Variants in TENM2 observed in about 807,000 individuals in gnomAD.
The protein encoded by TENM2 is teneurin-2.
TENM2 carries 52 observed loss-of-function variants against 245.2 expected under a neutral mutation model. The observed-to-expected ratio is 0.21, with a 90% CI of 0.17 to 0.27. The LOEUF (loss-of-function observed/expected upper bound fraction) is 0.27, where lower values mean the gene tolerates loss of function less well. Among genes scored for constraint, TENM2 ranks in the 10% least tolerant of loss-of-function variants. TENM2 has a pLI of 1.00. For missense variants in TENM2, 3,046 were observed against 3,666.8 expected (o/e 0.83, Z 4.37); for synonymous variants, 1,363 against 1,438.9 (o/e 0.95, Z 1.19).
At chr5:167,356,216 A>AAAAG (rs1759319197) in intron 1 of TENM2, among the ~76,000 whole-genome samples, 2 of 134,324 alleles carry the variant, frequency 1.5e-5, no homozygotes, top group African/African-American at 6.4e-5. Flanking sequence ...AAAAAAAAAA[A>AAAAG]AAAAATTAAA....
chr5:167,471,168 G>A (rs1767003451), intron 2 of TENM2, among the ~76,000 whole-genome samples: 1 of 152,152 alleles, frequency 6.6e-6, no homozygotes, highest in South Asian at 2.1e-4. Context: ...GCTACTTTAT[G>A]ACATGCCCTT....
chr5:168,211,986 A>G (rs1762832855), intron 20 of TENM2, among the ~76,000 whole-genome samples: 1 of 152,206 alleles, frequency 6.6e-6, no homozygotes, highest in Admixed American at 6.5e-5. Context: ...CGGGAGATTC[A>G]AGTGCAAGAT....
At position 167,848,926 on chromosome 5, in the gene TENM2, T is replaced by G. The variant is rs770465637; in HGVS notation, c.503-27060T>G. Among the ~76,000 whole-genome samples, 28 of 152,074 alleles carry G rather than the reference T, an allele frequency of 1.8e-4. No individual in the cohort carries two copies. In the South Asian group the frequency reaches 2.5e-3, roughly 14 times the overall value. On this transcript the variant is annotated intron_variant, in intron 2 of 28. Transcript: ENST00000518659. ...TTTTGTTTGCTTTTTGTTTTTTGGG[T>G]TTTTTTGGCCACATTGTATATTGTG...
At chr5:167,777,389 TTTAA>T (rs1582984310) in intron 2 of TENM2, among the ~76,000 whole-genome samples, 1 of 152,256 alleles carries the variant, frequency 6.6e-6, no homozygotes, top group Non-Finnish European at 1.5e-5. Context: ...AAATTATTCA[TTTAA>T]TTAATTTATT....
chr5:167,257,194 A>G, the TENM2 span, among the ~76,000 whole-genome samples: 1 of 152,150 alleles, frequency 6.6e-6, no homozygotes, highest in African/African-American at 2.4e-5. Flanking sequence ...TATGTAAAAA[A>G]GAGAATACAA....
chr5:168,036,691 ATATATATATG>A (rs1270574360), intron 5 of TENM2, among the ~76,000 whole-genome samples: 1 of 116,336 alleles, frequency 8.6e-6, no homozygotes, highest in African/African-American at 4.4e-5. Context: ...ATATATATAT[ATATATATATG>A]TATGTGTATA....
intron 2 of TENM2, among the ~76,000 whole-genome samples, chr5:167,455,622 A>G (rs960031985): frequency 1.3e-5 from 2 of 152,168 alleles, no homozygotes; most frequent in Non-Finnish European, 2.9e-5. Context: ...TTGATAAATA[A>G]GTTAACTGAA....
At chr5:167,137,855 C>CA in the TENM2 span, among the ~76,000 whole-genome samples, 1 of 152,166 alleles carries the variant, frequency 6.6e-6, no homozygotes, top group African/African-American at 2.4e-5. Flanking sequence ...TAGAATCTTT[C>CA]ATTAAAGACC....
intron 5 of TENM2, among the ~76,000 whole-genome samples, chr5:168,020,769 C>T (rs896681948): frequency 6.6e-6 from 1 of 152,174 alleles, no homozygotes; most frequent in Non-Finnish European, 1.5e-5. Context: ...CTTCCACACT[C>T]ACAGCTTTGA....
At chr5:167,398,408 TTCTTTCTC>T (rs1762187919) in intron 2 of TENM2, among the ~76,000 whole-genome samples, 2 of 89,192 alleles carry the variant, frequency 2.2e-5, no homozygotes, top group Admixed American at 1.1e-4. Context: ...CTTTCTTTCT[TTCTTTCTC>T]TCTCTCTCTT....
the TENM2 span, among the ~76,000 whole-genome samples, chr5:167,245,191 G>T: frequency 3.3e-5 from 5 of 152,084 alleles, no homozygotes; most frequent in Admixed American, 3.3e-4. Context: ...GCTAATATTT[G>T]TAATGTCAAG....
intron 3 of TENM2, among the ~76,000 whole-genome samples, chr5:167,907,751 T>C (rs964559813): frequency 2.0e-5 from 3 of 150,942 alleles, no homozygotes; most frequent in African/African-American, 7.3e-5. Context: ...ATAAATAAAT[T>C]ATAAAATATA....
At chr5:167,244,627 G>A in the TENM2 span, among the ~76,000 whole-genome samples, 3 of 152,348 alleles carry the variant, frequency 2.0e-5, no homozygotes, top group Admixed American at 6.5e-5. Flanking sequence ...GCCAGTGTTT[G>A]ACATGTGGAG....
chr5:167,881,506 A>T (rs1773874663), intron 3 of TENM2, among the ~76,000 whole-genome samples: 1 of 152,162 alleles, frequency 6.6e-6, no homozygotes, highest in Admixed American at 6.6e-5. Flanking sequence ...GTCTATAGTA[A>T]CCACCTTTAT....
At chr5:167,704,356 T>C (rs1758361312) in intron 2 of TENM2, among the ~76,000 whole-genome samples, 1 of 152,186 alleles carries the variant, frequency 6.6e-6, no homozygotes, top group Non-Finnish European at 1.5e-5. Context: ...ATTTTGTTTT[T>C]CTGAGAGCTA....
chr5:167,051,050 C>T, the TENM2 span, among the ~76,000 whole-genome samples: 3 of 152,056 alleles, frequency 2.0e-5, no homozygotes, highest in East Asian at 1.9e-4. Flanking sequence ...GATCCATTTC[C>T]GCTAACCAAT....
intron 9 of TENM2, among the ~76,000 whole-genome samples, chr5:168,108,893 G>C (rs1292749189): frequency 6.6e-6 from 1 of 152,116 alleles, no homozygotes; most frequent in Non-Finnish European, 1.5e-5. Flanking sequence ...TCCCCTCCCT[G>C]AGGGTAGCTG....
chr5:167,350,775 TG>T (rs1328978705), intron 1 of TENM2, among the ~76,000 whole-genome samples: 1 of 142,168 alleles, frequency 7.0e-6, no homozygotes, highest in Non-Finnish European at 1.5e-5. Flanking sequence ...TATATATATA[TG>T]GGATATATAC....
intron 2 of TENM2, among the ~76,000 whole-genome samples, chr5:167,713,194 C>T (rs79116903): frequency 0.025 from 3,757 of 151,914 alleles, 169 homozygotes; most frequent in African/African-American, 0.081. Context: ...GAACTAAATT[C>T]CTTGAGCCTC....
Sources: allele counts gnomAD v4.1 joint callset (sites outside exome capture counted in the v4.1 genomes callset), GRCh38; gene constraint gnomAD v4.1.1; transcripts MANE v1.5; gene names NCBI Gene and HGNC (gene_info 2026-07-23, HGNC 2026-07-21).